Variants in ACSF2 observed in about 807,000 individuals in gnomAD.
ACSF2 encodes the protein medium-chain acyl-CoA ligase ACSF2, mitochondrial.
A neutral mutation model predicts 79.3 loss-of-function variants in ACSF2; 52 were observed. That is an observed-to-expected ratio of 0.66 (90% CI 0.53 to 0.83). The LOEUF is 0.83. Ranked by LOEUF, ACSF2 falls within the 40% of genes least tolerant of loss-of-function variation. The probability of loss-of-function intolerance (pLI) is 0.00; values close to 1 mark genes in which losing one functional copy is unlikely to be tolerated. For synonymous variants in ACSF2, 283 were observed against 312.6 expected (o/e 0.91, Z 1.00); for missense variants, 661 against 803.3 (o/e 0.82, Z 2.14).
intron 1 of ACSF2, among the ~76,000 whole-genome samples, chr17:50,455,097 C>T (rs1056839526): frequency 2.6e-5 from 4 of 152,242 alleles, no homozygotes; most frequent in African/African-American, 9.6e-5. Context: ...ATTTTCCTGC[C>T]TCAGCCTCCC....
intron 10 of ACSF2, chr17:50,465,812 T>G (rs1324538877): frequency 3.1e-6 from 5 of 1,613,752 alleles, no homozygotes; most frequent in Non-Finnish European, 4.2e-6. Context: ...GTTCAAGCGG[T>G]TGTTCTCCAA....
intron 1 of ACSF2, among the ~76,000 whole-genome samples, chr17:50,456,560 C>G (rs1392780856): frequency 6.6e-6 from 1 of 151,722 alleles, no homozygotes; most frequent in East Asian, 1.9e-4. Context: ...TGGAGAAACT[C>G]TGTCTCTACT....
At chr17:50,436,158 C>T (rs2030395078) in intron 1 of ACSF2, among the ~76,000 whole-genome samples, 1 of 151,858 alleles carries the variant, frequency 6.6e-6, no homozygotes. Flanking sequence ...GAGACGGAGT[C>T]TCGCTCTGTT....
At chr17:50,429,043 C>T (rs1399069323) in intron 1 of ACSF2, among the ~76,000 whole-genome samples, 1 of 152,282 alleles carries the variant, frequency 6.6e-6, no homozygotes, top group Non-Finnish European at 1.5e-5. Context: ...CACACACAGC[C>T]TGCTTTCCTG....
At chr17:50,468,868 A>G (rs920136706) in intron 10 of ACSF2, 1 of 1,447,130 alleles carries the variant, frequency 6.9e-7, no homozygotes, top group African/African-American at 1.4e-5. Context: ...GGGCGCGGGC[A>G]GCGGCGAGTC....
chr17:50,469,029 G>A (rs1474108416), intron 10 of ACSF2: 10 of 1,336,530 alleles, frequency 7.5e-6, no homozygotes, highest in Non-Finnish European at 8.6e-6. Flanking sequence ...AGGGGGCGGG[G>A]CCGTTCCCCC....
Position 50,465,849 on chromosome 17 carries a change from C to T in ACSF2, c.1215+1555C>T, listed in dbSNP as rs185669452. 42 of 1,613,630 alleles carry T rather than the reference C, an allele frequency of 2.6e-5. No individual in the cohort carries two copies. The Middle Eastern group carries it at 8.3e-4, about 32-fold the overall frequency. The stretch of plus-strand genomic sequence containing the variant: ...TGGACGTGTTTCAGCGTGGTTACAC[C>T]CAGGAAGGCACCATCTGAGAACTGG... On this transcript the variant is annotated intron_variant, in intron 10 of 15. Coordinates refer to ENST00000300441, the MANE Select transcript of ACSF2 (RefSeq NM_025149.6).
intron 12 of ACSF2, 171 bp from the exon 13 acceptor site, chr17:50,473,493 CT>C: frequency 1.2e-6 from 1 of 832,014 alleles, no homozygotes; most frequent in Non-Finnish European, 1.8e-6. Context: ...TCTACCTCCC[CT>C]CCCCTTACTG....
At chr17:50,473,620 T>C (rs1230594472) in intron 12 of ACSF2, 45 bp from the exon 13 acceptor site, 1 of 1,611,974 alleles carries the variant, frequency 6.2e-7, no homozygotes, top group Non-Finnish European at 8.5e-7. Context: ...AGCAAGTGAG[T>C]GAACAAGGCA....
At chr17:50,444,892 T>G (rs1359688869) in intron 1 of ACSF2, among the ~76,000 whole-genome samples, 2 of 152,094 alleles carry the variant, frequency 1.3e-5, no homozygotes, top group East Asian at 3.8e-4. Flanking sequence ...TCTGTTTTGG[T>G]GGAAAAATGT....
chr17:50,432,345 T>A (rs902957964), intron 1 of ACSF2, among the ~76,000 whole-genome samples: 2 of 152,226 alleles, frequency 1.3e-5, no homozygotes, highest in Admixed American at 1.3e-4. Context: ...GGTGAGCTAT[T>A]TTACAGGAAT....
chr17:50,468,551 C>G, intron 10 of ACSF2: 1 of 1,614,238 alleles, frequency 6.2e-7, no homozygotes, highest in Non-Finnish European at 8.5e-7. Flanking sequence ...GGCCACCTCG[C>G]GGATCTGGCA....
In ACSF2 at chr17:50,463,780, CA is replaced by C; in HGVS notation, c.1047-37del. ...TGGGTGAGAACAGGGAGTTCCCTTC[CA>C]CTTCCAAGCCTAATTTCGAGACCTC... On this transcript the variant is annotated intron_variant, in intron 8 of 15. Transcript: ENST00000300441. This position sits in a 1 kb window ranked among gnomAD's most constrained non-coding sequence, Gnocchi z 4.6. 6.3e-7 allele frequency: 1 copy of C among 1,595,398 alleles called. No individual in the cohort carries two copies. Among genetic ancestry groups the C allele is most frequent in the Non-Finnish European group, 8.6e-7 (1 of 1,163,988 alleles).
chr17:50,464,960 G>A (rs1448819261), intron 10 of ACSF2: 2 of 366,296 alleles, frequency 5.5e-6, no homozygotes, highest in East Asian at 6.6e-5. Context: ...AGCAGAGGCT[G>A]TGGGGAGAAG....
At chr17:50,460,353 G>T in intron 1 of ACSF2, 1 of 473,012 alleles carries the variant, frequency 2.1e-6, no homozygotes, top group Non-Finnish European at 4.1e-6. Context: ...GTGAAGGCAT[G>T]GTCCTGCTTT....
At chr17:50,446,890 C>T (rs762941739) in intron 1 of ACSF2, among the ~76,000 whole-genome samples, 5 of 152,206 alleles carry the variant, frequency 3.3e-5, no homozygotes, top group South Asian at 2.1e-4. Flanking sequence ...TCTGTTCCAT[C>T]GTTGATGGAC....
intron 2 of ACSF2, 73 bp downstream of exon 2, chr17:50,460,945 G>T: frequency 6.7e-7 from 1 of 1,496,168 alleles, no homozygotes. Flanking sequence ...GCAGAACCAG[G>T]AGCGTGGGCA....
chr17:50,443,188 G>A (rs1236813387), intron 1 of ACSF2, among the ~76,000 whole-genome samples: 4 of 152,158 alleles, frequency 2.6e-5, no homozygotes, highest in African/African-American at 9.7e-5. Context: ...GATTACAGGC[G>A]TGAGCCACCG....
At chr17:50,452,134 T>C (rs890657896) in intron 1 of ACSF2, among the ~76,000 whole-genome samples, 5 of 152,174 alleles carry the variant, frequency 3.3e-5, no homozygotes, top group Admixed American at 1.3e-4. Flanking sequence ...TCTTCAAGGC[T>C]CCTATCTGGT....
Sources: gnomAD v4.1 joint callset for allele counts (sites outside exome capture counted in the v4.1 genomes callset) on GRCh38, gnomAD v4.1.1 for gene constraint, Gnocchi (gnomAD v3.1) non-coding constraint, MANE v1.5 for transcripts, NCBI Gene and HGNC (gene_info 2026-07-23, HGNC 2026-07-21) for gene names.